Variants in SGSM2 observed in about 807,000 individuals in gnomAD.
SGSM2 encodes the protein RUN and TBC1 domain containing 1.
In SGSM2, 89 loss-of-function variants were observed where a neutral mutation model predicts 126.6. The ratio of observed to expected loss-of-function variants is 0.70; its 90% CI spans 0.59 to 0.84. The LOEUF (loss-of-function observed/expected upper bound fraction) is 0.84, where lower values mean the gene tolerates loss of function less well. SGSM2 is among the 40% of genes least tolerant of loss of function. The probability of loss-of-function intolerance (pLI) is 0.00; values close to 1 mark genes in which losing one functional copy is unlikely to be tolerated. For missense variants in SGSM2, 1,404 were observed against 1,416.6 expected (o/e 0.99, Z 0.14); for synonymous variants, 614 against 574.3 (o/e 1.07, Z -0.99).
intron 19 of SGSM2, 180 bp from the exon 20 acceptor site, chr17:2,376,553 T>G: frequency 1.3e-6 from 1 of 747,980 alleles, no homozygotes; most frequent in Non-Finnish European, 2.2e-6. Flanking sequence ...TCGGAGTGCC[T>G]TGGGGGGGAC....
chr17:2,377,974 T>C (rs1480546256), intron 22 of SGSM2, 21 bp downstream of exon 22: 6 of 1,478,488 alleles, frequency 4.1e-6, no homozygotes, highest in Non-Finnish European at 4.7e-6. Context: ...GGTTGGATCA[T>C]GGGGCTGAGG....
Position 2,379,182 on chromosome 17 carries a change from G to T in SGSM2, c.3046G>T (p.Asp1016Tyr). 1 of 1,614,126 alleles carries T rather than the reference G, an allele frequency of 6.2e-7. No individual in the cohort carries two copies. The part of the protein sequence containing the change: ...IIRDNNMDFT[D>Y]IIKFFNERAE... ...CCGTGACAACAACATGGACTTCACT[G>T]ACATCATCAAGTTTTTCAATGGTAC... is the stretch of plus-strand genomic sequence containing the variant. Residue 1016 changes from aspartate (D) to tyrosine (Y), a missense_variant, in exon 23 of 24, where the codon GAC becomes TAC. Physicochemically the swap from Asp to Tyr is radical, Grantham distance 160. Transcript: ENST00000268989.
Position 2,380,309 on chromosome 17 carries a change from T to C in SGSM2, c.*789T>C. On this transcript the variant is annotated 3_prime_UTR_variant, in exon 24 of 24. Coordinates refer to ENST00000268989, the MANE Select transcript of SGSM2 (RefSeq NM_014853.3). ...GTGTAAGAAGTGATGCTTTTGCCAG[T>C]GGATGATCTGGAATGCGACCGGAGC... The C allele has an allele frequency of 1.3e-6, 2 of 1,535,754 alleles. No individual in the cohort carries two copies. The highest frequency in any genetic ancestry group is 8.7e-7 in the Non-Finnish European group (1 of 1,146,774).
Position 2,372,297 on chromosome 17 carries a change from C to T in SGSM2, c.1642+43C>T, listed in dbSNP as rs770001126. 20 of 1,610,534 alleles carry T rather than the reference C, an allele frequency of 1.2e-5. No homozygotes were observed. Among genetic ancestry groups the T allele is most frequent in the East Asian group, 2.2e-5 (1 of 44,794 alleles). ...CGGGCTGTGGCGGGCTGGGGGCGGG[C>T]GGCCCTGGGTCCCAGCCTCCTGCTG... On this transcript the variant is annotated intron_variant, in intron 14 of 23. Coordinates refer to ENST00000268989, the MANE Select transcript of SGSM2 (RefSeq NM_014853.3). The surrounding 1 kb of genome is among the most constrained non-coding windows in gnomAD (Gnocchi z 6.0).
intron 19 of SGSM2, 66 bp downstream of exon 19, chr17:2,376,327 A>G (rs2429916): frequency 0.25 from 393,656 of 1,597,830 alleles, 52,012 homozygotes; most frequent in South Asian, 0.32. Context: ...TGTGAAGATG[A>G]GGTCCGGAAG....
intron 11 of SGSM2, among the ~76,000 whole-genome samples, chr17:2,366,038 C>T (rs988247006): frequency 1.3e-5 from 2 of 152,184 alleles, no homozygotes; most frequent in African/African-American, 4.8e-5. Context: ...CCACTGCGCC[C>T]GGCCCAGCGC....
rs772199204 is a variant in SGSM2 at position 2,363,113 on chromosome 17, T to G, written c.651T>G (p.Pro217=). 6 of 1,608,492 alleles carry G rather than the reference T, an allele frequency of 3.7e-6. No individual in the cohort carries two copies. The highest frequency in any genetic ancestry group is 3.3e-5 in the South Asian group (3 of 90,444). ...IRGPPTRQDS[P]AKRPALGIRK... The stretch of plus-strand genomic sequence containing the variant: ...GTCCACCTACTCGCCAGGACTCCCC[T>G]GCAAAGCGCCCAGCCCTGGGGGTAG... The change falls in exon 6 of 24, where the codon CCT becomes CCG. Residue 217 remains proline (P), a synonymous_variant. Transcript: ENST00000268989. The surrounding 1 kb of genome is among the most constrained non-coding windows in gnomAD (Gnocchi z 4.2).
chr17:2,367,460 C>G lies in SGSM2; in HGVS notation c.1423+55C>G. On this transcript the variant is annotated intron_variant, in intron 12 of 23. Coordinates refer to ENST00000268989, the MANE Select transcript of SGSM2 (RefSeq NM_014853.3). The surrounding 1 kb of genome is among the most constrained non-coding windows in gnomAD (Gnocchi z 4.0). The stretch of plus-strand genomic sequence containing the variant: ...CTCATCCCCACCCTCCCTCCCGGGC[C>G]CGCCTGCCACCCACCACAGGGGTTC... 1.9e-6 allele frequency: 3 copies of G among 1,576,888 alleles called. No homozygotes were observed. The South Asian group carries it at 3.5e-5, about 18-fold the overall frequency.
chr17:2,369,258 G>C (rs1242027489), intron 12 of SGSM2, among the ~76,000 whole-genome samples: 1 of 152,166 alleles, frequency 6.6e-6, no homozygotes, highest in Non-Finnish European at 1.5e-5. Context: ...TTGTGCATGT[G>C]AATCAGTGGC....
At chr17:2,353,757 C>T (rs894790764) in intron 2 of SGSM2, among the ~76,000 whole-genome samples, 5 of 130,156 alleles carry the variant, frequency 3.8e-5, no homozygotes, top group Non-Finnish European at 6.7e-5. Flanking sequence ...CAGACTGAGA[C>T]TCTGTCTTTA....
chr17:2,378,336 G>A (rs1233805549), intron 22 of SGSM2, among the ~76,000 whole-genome samples: 2 of 152,136 alleles, frequency 1.3e-5, no homozygotes, highest in Admixed American at 6.5e-5. Flanking sequence ...AGCACTTTGG[G>A]AGGCCAAGGC....
Position 2,376,950 on chromosome 17 carries a change from T to C in SGSM2, c.2693-9T>C. 2 of 1,611,058 alleles carry C rather than the reference T, an allele frequency of 1.2e-6. No individual in the cohort carries two copies. The highest frequency in any genetic ancestry group is 1.7e-6 in the Non-Finnish European group (2 of 1,177,808). On this transcript the variant is annotated splice_polypyrimidine_tract_variant and intron_variant, in intron 20 of 23. Coordinates refer to ENST00000268989, the MANE Select transcript of SGSM2 (RefSeq NM_014853.3). The stretch of plus-strand genomic sequence containing the variant: ...CTGCCCTGCCAGCTTCACTCCTGTC[T>C]CCCCTCAGATCAGCTGGCCTACAGC...
rs752713424 is a variant in SGSM2, at chr17:2,373,041, G to A, written c.1877G>A (p.Gly626Asp). The change falls in exon 16 of 24, where the codon GGC becomes GAC. Residue 626 changes from glycine (G) to aspartate (D), a missense_variant. Physicochemically the swap from Gly to Asp is moderately conservative, Grantham distance 94. Transcript: ENST00000268989. ...AAGGACGTCTGGCCCTTTCTGCTTG[G>A]CCACTACAAGTTCGGCATGAGCAAG... Reference protein sequence around the residue: ...IRKDVWPFLLGHYKFGMSKKE... With the variant: ...IRKDVWPFLLDHYKFGMSKKE... 2.2e-5 allele frequency: 35 copies of A among 1,608,604 alleles called. No homozygotes were observed. The South Asian group carries it at 2.7e-4, about 12-fold the overall frequency.
chr17:2,365,306 TC>T lies in SGSM2; in HGVS notation c.1255del (p.Arg419GlyfsTer19). 6.3e-7 allele frequency: 1 copy of T among 1,580,860 alleles called. No individual in the cohort carries two copies. On this transcript the variant is annotated frameshift_variant, in exon 11 of 24. Transcript: ENST00000268989. LOFTEE classifies it high-confidence loss of function. Reference sequence around the variant, plus strand: ...ACGGGGCGGGCCACCGACTATGTGTTCCGGATCATCTACCCCGGCCACAGGC... The same window carrying T: ...ACGGGGCGGGCCACCGACTATGTGTTCGGATCATCTACCCCGGCCACAGGC... ...MGTGRATDYVFRIIYPGHRHE... is the reference protein window; with the variant it reads ...MGTGRATDYVXRIIYPGHRHE...
intron 2 of SGSM2, 120 bp downstream of exon 2, chr17:2,343,740 C>A: frequency 1.2e-6 from 1 of 820,136 alleles, no homozygotes; most frequent in South Asian, 1.6e-5. Context: ...AAGTCCAAAT[C>A]AACCTGGAAG....
At chr17:2,369,770 G>A (rs2429912) in intron 12 of SGSM2, among the ~76,000 whole-genome samples, 76,721 of 150,834 alleles carry the variant, frequency 0.51, 20,319 homozygotes, top group African/African-American at 0.65. Context: ...GCTCCTCCCG[G>A]GACTGTCCTC....
At position 2,380,335 on chromosome 17, in the gene SGSM2, ACTTG is replaced by A. The variant is rs2066362281; in HGVS notation, c.*818_*821del. The A allele has an allele frequency of 6.5e-7, 1 of 1,532,690 alleles. No homozygotes were observed. The highest frequency in any genetic ancestry group is 1.4e-5 in the African/African-American group (1 of 73,102). The allele number at this position is 1,532,690 out of a possible 1,614,324, so 94.9% of individuals were successfully genotyped here. A position where few individuals can be genotyped will look rare whatever the true frequency, so the allele number is the denominator to read the frequency against. On this transcript the variant is annotated 3_prime_UTR_variant, in exon 24 of 24. Coordinates refer to ENST00000268989, the MANE Select transcript of SGSM2 (RefSeq NM_014853.3). ...GGATGATCTGGAATGCGACCGGAGC[ACTTG>A]CTCTGAGGAATCCCAGGGTGACTCT... is the stretch of plus-strand genomic sequence containing the variant.
chr17:2,360,480 T>C (rs1266018670), intron 2 of SGSM2, among the ~76,000 whole-genome samples: 1 of 152,184 alleles, frequency 6.6e-6, no homozygotes, highest in East Asian at 1.9e-4. Flanking sequence ...GAAAGCCAGC[T>C]CTTAGAGGCT....
At chr17:2,338,948 A>G (rs2064218641) in intron 1 of SGSM2, among the ~76,000 whole-genome samples, 1 of 151,058 alleles carries the variant, frequency 6.6e-6, no homozygotes, top group East Asian at 2.0e-4. Flanking sequence ...AATCCCAGCT[A>G]CCCGGGAGAC....
Sources: allele counts gnomAD v4.1 joint callset (sites outside exome capture counted in the v4.1 genomes callset), GRCh38; gene constraint gnomAD v4.1.1; non-coding constraint Gnocchi (gnomAD v3.1); transcripts MANE v1.5; gene names NCBI Gene and HGNC (gene_info 2026-07-23, HGNC 2026-07-21).